Variants in CSNK2A2IP observed in about 807,000 individuals in gnomAD.
The protein encoded by CSNK2A2IP is casein kinase II subunit alpha'-interacting protein.
chr3:88,466,369 C>T, the CSNK2A2IP span: 1 of 1,231,746 alleles, frequency 8.1e-7, no homozygotes, highest in East Asian at 3.2e-5. Flanking sequence ...CACGAATTCA[C>T]CTGTCTGTCA....
the CSNK2A2IP span, among the ~76,000 whole-genome samples, chr3:88,442,362 A>G: frequency 6.6e-6 from 1 of 151,846 alleles, no homozygotes; most frequent in African/African-American, 2.4e-5. Context: ...CAAATACTCA[A>G]ATACATGTCA....
the CSNK2A2IP span, among the ~76,000 whole-genome samples, chr3:88,408,361 C>G: frequency 6.6e-6 from 1 of 152,154 alleles, no homozygotes; most frequent in Non-Finnish European, 1.5e-5. Context: ...AGTTCAGTCT[C>G]CTTGTCTATT....
the CSNK2A2IP span, among the ~76,000 whole-genome samples, chr3:88,339,041 CATT>C: frequency 3.8e-4 from 57 of 151,946 alleles, no homozygotes; most frequent in African/African-American, 1.3e-3. Context: ...TGTCTCAAAC[CATT>C]ATTATTATTT....
At chr3:88,375,782 A>G in the CSNK2A2IP span, among the ~76,000 whole-genome samples, 1 of 151,778 alleles carries the variant, frequency 6.6e-6, no homozygotes, top group African/African-American at 2.4e-5. Flanking sequence ...TTATTCTCAC[A>G]AAAACTCAAA....
At chr3:88,393,525 A>C in the CSNK2A2IP span, among the ~76,000 whole-genome samples, 6 of 152,238 alleles carry the variant, frequency 3.9e-5, no homozygotes, top group African/African-American at 1.4e-4. Flanking sequence ...GGATGTGTAC[A>C]TACACATACA....
chr3:88,425,052 T>C, the CSNK2A2IP span, among the ~76,000 whole-genome samples: 1 of 152,078 alleles, frequency 6.6e-6, no homozygotes, highest in Non-Finnish European at 1.5e-5. Flanking sequence ...GTTACATCAT[T>C]AACATATCAT....
At chr3:88,459,953 C>G in the CSNK2A2IP span, among the ~76,000 whole-genome samples, 1 of 151,976 alleles carries the variant, frequency 6.6e-6, no homozygotes, top group Non-Finnish European at 1.5e-5. Context: ...TGCGAATGAA[C>G]TAAGTGAATT....
chr3:88,459,864 T>G, the CSNK2A2IP span, among the ~76,000 whole-genome samples: 3 of 152,274 alleles, frequency 2.0e-5, no homozygotes, highest in East Asian at 5.8e-4. Flanking sequence ...ATCATTGTTT[T>G]TTTTAAGATC....
the CSNK2A2IP span, chr3:88,465,212 G>A: frequency 2.3e-6 from 1 of 438,422 alleles, no homozygotes; most frequent in Non-Finnish European, 3.8e-6. Flanking sequence ...TAATATTTGA[G>A]AATTAACAGA....
chr3:88,466,595 C>T, the CSNK2A2IP span: 2 of 1,231,594 alleles, frequency 1.6e-6, no homozygotes, highest in Non-Finnish European at 2.0e-6. Flanking sequence ...ATTCCTTGGA[C>T]TTTAAAGTAT....
chr3:88,372,080 C>T, the CSNK2A2IP span, among the ~76,000 whole-genome samples: 6 of 151,476 alleles, frequency 4.0e-5, no homozygotes, highest in Non-Finnish European at 8.9e-5. Flanking sequence ...ACAAAAAGGG[C>T]CAGATATTAT....
chr3:88,421,334 C>T, the CSNK2A2IP span, among the ~76,000 whole-genome samples: 1 of 152,170 alleles, frequency 6.6e-6, no homozygotes, highest in African/African-American at 2.4e-5. Context: ...CTCCACAAGG[C>T]AGCACTGCCT....
At chr3:88,363,365 G>A in the CSNK2A2IP span, among the ~76,000 whole-genome samples, 22 of 151,938 alleles carry the variant, frequency 1.4e-4, no homozygotes, top group African/African-American at 2.2e-4. Context: ...CCCTTCAGTC[G>A]TAAAGTTCTC....
chr3:88,397,784 C>T, the CSNK2A2IP span, among the ~76,000 whole-genome samples: 1 of 150,662 alleles, frequency 6.6e-6, no homozygotes, highest in African/African-American at 2.4e-5. Flanking sequence ...TTCAAAATAA[C>T]ATCACAGTTT....
the CSNK2A2IP span, among the ~76,000 whole-genome samples, chr3:88,383,651 C>CTTTTTTTTTTTTTTT: frequency 1.1e-5 from 1 of 88,546 alleles, no homozygotes; most frequent in African/African-American, 4.6e-5. Flanking sequence ...TCTTTTCTTT[C>CTTTTTTTTTTTTTTT]TTTTTTTTTT....
the CSNK2A2IP span, among the ~76,000 whole-genome samples, chr3:88,360,134 T>G: frequency 2.2e-5 from 3 of 139,122 alleles, no homozygotes; most frequent in South Asian, 8.3e-4. Context: ...TTAAAGAGTT[T>G]TTGTCTTTTT....
the CSNK2A2IP span, among the ~76,000 whole-genome samples, chr3:88,393,548 C>G: frequency 1.3e-5 from 2 of 152,202 alleles, no homozygotes; most frequent in African/African-American, 4.8e-5. Context: ...TATTTATGTA[C>G]TTAGGGTAAT....
At chr3:88,426,877 T>C in the CSNK2A2IP span, among the ~76,000 whole-genome samples, 1 of 108,960 alleles carries the variant, frequency 9.2e-6, no homozygotes, top group Non-Finnish European at 1.9e-5. Context: ...AGTAAATTGG[T>C]ACCACGGGGG....
chr3:88,424,419 C>G, the CSNK2A2IP span, among the ~76,000 whole-genome samples: 1 of 152,024 alleles, frequency 6.6e-6, no homozygotes, highest in Non-Finnish European at 1.5e-5. Context: ...ATATTTTATT[C>G]TTTATGAAGG....
Sources: gnomAD v4.1 joint callset for allele counts (sites outside exome capture counted in the v4.1 genomes callset) on GRCh38, gnomAD v4.1.1 for gene constraint, MANE v1.5 for transcripts, NCBI Gene and HGNC (gene_info 2026-07-23, HGNC 2026-07-21) for gene names.